The following CKAP5 variants were observed in gnomAD, a reference collection of about 807,000 sequenced individuals.
CKAP5 encodes cytoskeleton-associated protein 5.
A neutral mutation model predicts 232.8 loss-of-function variants in CKAP5; 27 were observed. The ratio of observed to expected loss-of-function variants is 0.12; its 90% confidence interval spans 0.09 to 0.16. CKAP5 has a LOEUF of 0.16. Among genes scored for constraint, CKAP5 ranks in the 10% least tolerant of loss-of-function variants. CKAP5 has a pLI of 1.00. For missense variants in CKAP5, 1,838 were observed against 2,424.7 expected (o/e 0.76, Z 5.08); for synonymous variants, 785 against 841.1 (o/e 0.93, Z 1.16).
intron 1 of CKAP5, 40 bp downstream of exon 1, chr11:46,846,180 C>G (rs1356800130): frequency 6.6e-6 from 1 of 152,328 alleles, no homozygotes; most frequent in Admixed American, 6.5e-5. Context: ...TGCCTGCACT[C>G]GAGGGCCTCG....
chr11:46,771,074 A>G (rs1295803907), intron 24 of CKAP5, 92 bp from the exon 25 acceptor site: 6 of 1,077,874 alleles, frequency 5.6e-6, no homozygotes, highest in South Asian at 1.7e-5. Flanking sequence ...AGTCTCAAGC[A>G]CTGAATTAGC....
chr11:46,817,892 C>A (rs904217793), intron 3 of CKAP5, among the ~76,000 whole-genome samples: 2 of 152,178 alleles, frequency 1.3e-5, no homozygotes, highest in African/African-American at 4.8e-5. Flanking sequence ...TCTAACATCA[C>A]CTATCTAACA....
intron 17 of CKAP5, among the ~76,000 whole-genome samples, chr11:46,783,595 ATG>A (rs1198447509): frequency 1.0e-3 from 61 of 58,302 alleles, no homozygotes; most frequent in Middle Eastern, 8.6e-3. Flanking sequence ...CTGCATTATA[ATG>A]TTTTTTTTTT....
intron 35 of CKAP5, among the ~76,000 whole-genome samples, chr11:46,756,754 A>ATCT (rs1477870693): frequency 1.6e-5 from 2 of 128,084 alleles, no homozygotes; most frequent in African/African-American, 6.4e-5. Flanking sequence ...TGGACCTTGA[A>ATCT]TTTTTTTTTT....
Position 46,743,994 on chromosome 11 carries a change from C to G in CKAP5, c.*29G>C. ...GGACTTCTAGTTTAGTAAACTAAAGCTGCAGGGTGCCGGGGGAGTGGGGCA... is the reference window on the plus strand; with the variant it reads ...GGACTTCTAGTTTAGTAAACTAAAGGTGCAGGGTGCCGGGGGAGTGGGGCA... On this transcript the variant is annotated 3_prime_UTR_variant, in exon 44 of 44. Coordinates refer to ENST00000529230, the MANE Select transcript of CKAP5 (RefSeq NM_001008938.4). 1.2e-6 allele frequency: 2 copies of G among 1,611,876 alleles called. No homozygotes were observed. Among genetic ancestry groups the G allele is most frequent in the Non-Finnish European group, 1.7e-6 (2 of 1,179,862 alleles).
intron 6 of CKAP5, 88 bp from the exon 7 acceptor site, chr11:46,809,588 T>C (rs1939231318): frequency 7.5e-7 from 1 of 1,339,044 alleles, no homozygotes; most frequent in African/African-American, 1.5e-5. Flanking sequence ...CCTGATGAAA[T>C]TTTAATAGAG....
chr11:46,805,707 G>A (rs1939137828), intron 8 of CKAP5, among the ~76,000 whole-genome samples: 1 of 152,300 alleles, frequency 6.6e-6, no homozygotes, highest in South Asian at 2.1e-4. Context: ...AGGCCAAGGA[G>A]GGTAGATCAC....
intron 42 of CKAP5, among the ~76,000 whole-genome samples, chr11:46,748,589 A>G (rs1011214361): frequency 3.3e-5 from 5 of 152,068 alleles, no homozygotes; most frequent in African/African-American, 1.2e-4. Context: ...CCTGGCCAAC[A>G]TGGTGAAACC....
intron 13 of CKAP5, among the ~76,000 whole-genome samples, chr11:46,795,145 A>G (rs1170178531): frequency 1.3e-5 from 2 of 152,108 alleles, no homozygotes; most frequent in Non-Finnish European, 2.9e-5. Flanking sequence ...CCTGGCCAAC[A>G]TGGCAAATTC....
chr11:46,767,612 T>G lies in CKAP5; in HGVS notation c.3374A>C (p.Lys1125Thr), dbSNP rs1234712914. ...GGATAATCCTGGAGCTTTGGCCTTT[T>G]TTGGATCAGGTTTGGGTTCTGTACT... is the stretch of plus-strand genomic sequence containing the variant. ...SSSTEPKPDP[K>T]KAKAPGLSSK... is the part of the protein sequence containing the mutation. The change falls in exon 27 of 44, where the codon AAA becomes ACA. Residue 1125 changes from lysine to threonine, a missense_variant. By Grantham distance (78) the Lys-to-Thr change is moderately conservative. Around this residue, in one of 6 missense-constraint regions of CKAP5, gnomAD observed 767 missense variants for 954.6 expected, o/e 0.80. Coordinates refer to ENST00000529230, the MANE Select transcript of CKAP5 (RefSeq NM_001008938.4). The G allele has an allele frequency of 3.7e-6, 6 of 1,612,762 alleles. No individual in the cohort carries two copies. In the Admixed American group the frequency reaches 6.7e-5, roughly 18 times the overall value.
intron 9 of CKAP5, among the ~76,000 whole-genome samples, chr11:46,798,511 T>C (rs749240871): frequency 3.6e-4 from 53 of 148,570 alleles, no homozygotes; most frequent in Non-Finnish European, 4.6e-4. Flanking sequence ...ACCCAGGAGG[T>C]CAAAGCTGCA....
At chr11:46,749,182 T>C (rs1212340944) in intron 42 of CKAP5, among the ~76,000 whole-genome samples, 1 of 151,738 alleles carries the variant, frequency 6.6e-6, no homozygotes, top group Non-Finnish European at 1.5e-5. Flanking sequence ...AGGCTGGGCA[T>C]GGTGACTCAA....
intron 40 of CKAP5, 78 bp downstream of exon 40, chr11:46,751,040 C>G: frequency 1.3e-6 from 2 of 1,556,032 alleles, no homozygotes; most frequent in Non-Finnish European, 1.8e-6. Flanking sequence ...GAAAGCATAT[C>G]CTGGTGACCT....
In CKAP5 at chr11:46,795,749, G is replaced by A; in HGVS notation, c.1495C>T (p.Leu499=). 6.2e-7 allele frequency: 1 copy of A among 1,613,672 alleles called. No individual in the cohort carries two copies. Among genetic ancestry groups the A allele is most frequent in the Non-Finnish European group, 8.5e-7 (1 of 1,179,848 alleles). The stretch of plus-strand genomic sequence containing the variant: ...AGTCCAGCTTTCTTACCATGTATCA[G>A]TTCTACCTTTTCTGAACATTCTTTG... ...KIKECSEKVE[L]IHGKKAGLAA... is the part of the protein sequence containing the mutation. Residue 499 remains leucine (L), a synonymous_variant, in exon 13 of 44, where the codon CTG becomes TTG. Transcript: ENST00000529230.
At chr11:46,761,795 CAGAAA>C (rs1327874643) in intron 32 of CKAP5, among the ~76,000 whole-genome samples, 200 bp downstream of exon 32, 1 of 152,146 alleles carries the variant, frequency 6.6e-6, no homozygotes, top group African/African-American at 2.4e-5. Flanking sequence ...ATAGAATGCT[CAGAAA>C]AGAAAACTTG....
At chr11:46,761,555 G>A (rs971981481) in intron 32 of CKAP5, among the ~76,000 whole-genome samples, 2 of 152,338 alleles carry the variant, frequency 1.3e-5, no homozygotes, top group East Asian at 1.9e-4. Flanking sequence ...AACGAAATAA[G>A]AGGTCAGAGG....
At chr11:46,760,319 C>T (rs1320020634) in intron 33 of CKAP5, 1 of 518,892 alleles carries the variant, frequency 1.9e-6, no homozygotes, top group African/African-American at 1.9e-5. Flanking sequence ...ATATAAGAGC[C>T]CTGCTAATGA....
At chr11:46,797,741 A>G in intron 11 of CKAP5, 64 bp downstream of exon 11, 1 of 1,484,386 alleles carries the variant, frequency 6.7e-7, no homozygotes, top group South Asian at 1.3e-5. Flanking sequence ...ACTGTACATA[A>G]TTTGCAGGAA....
intron 8 of CKAP5, among the ~76,000 whole-genome samples, chr11:46,802,796 A>G (rs1939065335): frequency 6.6e-6 from 1 of 151,380 alleles, no homozygotes; most frequent in South Asian, 2.1e-4. Flanking sequence ...AACATGAAAG[A>G]AGTTCTACTT....
Sources: gnomAD v4.1 joint callset for allele counts (sites outside exome capture counted in the v4.1 genomes callset) on GRCh38, gnomAD v4.1.1 for gene constraint, gnomAD v4.1.1 regional missense constraint, MANE v1.5 for transcripts, NCBI Gene and HGNC (gene_info 2026-07-23, HGNC 2026-07-21) for gene names.